MAF: variants seen among roughly 807,000 people sequenced by gnomAD.
MAF encodes MAF bZIP transcription factor.
Under a neutral mutation model 22.0 loss-of-function variants are expected in MAF, and 10 were observed. That is an observed-to-expected ratio of 0.45 (90% CI 0.28 to 0.77). MAF has a LOEUF of 0.77. Among genes scored for constraint, MAF ranks in the 30% least tolerant of loss-of-function variants. The pLI is 0.12. For missense variants in MAF, 544 were observed against 548.4 expected, an observed-to-expected ratio of 0.99 and a Z score of 0.08; for synonymous variants, 337 against 255.8, an observed-to-expected ratio of 1.32 and a Z score of -3.03.
chr16:79,589,634 G>A (rs1597836412), downstream of MAF, among the ~76,000 whole-genome samples: 3 of 152,210 alleles, frequency 2.0e-5, no homozygotes, highest in Non-Finnish European at 2.9e-5. Context: ...GGTGAAGGGC[G>A]GAGCCTTGCG....
At chr16:79,436,107 G>A in the MAF span, among the ~76,000 whole-genome samples, 4 of 152,328 alleles carry the variant, frequency 2.6e-5, no homozygotes, top group Non-Finnish European at 5.9e-5. Context: ...ATTTGAAACA[G>A]AGTCTAGCTC....
the MAF span, chr16:79,211,810 C>T: frequency 3.6e-4 from 579 of 1,613,896 alleles, 3 homozygotes; most frequent in Middle Eastern, 2.5e-3. Flanking sequence ...GAGCTCAGAG[C>T]GGATGGGCAC....
chr16:79,210,174 C>A, the MAF span, among the ~76,000 whole-genome samples: 1 of 152,322 alleles, frequency 6.6e-6, no homozygotes, highest in African/African-American at 2.4e-5. Context: ...CTGCATTTGA[C>A]CATTCAGTTT....
chr16:79,553,705 G>A, the MAF span, among the ~76,000 whole-genome samples: 28 of 152,300 alleles, frequency 1.8e-4, no homozygotes, highest in African/African-American at 6.5e-4. Context: ...TCTTGAAAGG[G>A]CGTCTAGCAT....
At chr16:79,461,448 G>T in the MAF span, among the ~76,000 whole-genome samples, 229 of 152,282 alleles carry the variant, frequency 1.5e-3, 2 homozygotes, top group South Asian at 4.6e-3. Context: ...CTCGGGCCAT[G>T]TCAGCTCAGC....
At chr16:79,530,216 A>G in the MAF span, among the ~76,000 whole-genome samples, 1 of 152,168 alleles carries the variant, frequency 6.6e-6, no homozygotes, top group Admixed American at 6.5e-5. Context: ...GCTTGAGAAC[A>G]CACCTGAAGA....
At chr16:79,317,404 A>C in the MAF span, among the ~76,000 whole-genome samples, 326 of 64,602 alleles carry the variant, frequency 5.0e-3, no homozygotes, top group Middle Eastern at 0.013. Context: ...CTTTCCTTCC[A>C]TCTCTCCCTC....
At chr16:79,327,798 T>C in the MAF span, among the ~76,000 whole-genome samples, 1 of 152,212 alleles carries the variant, frequency 6.6e-6, no homozygotes, top group Admixed American at 6.5e-5. Flanking sequence ...AAGCTGATCT[T>C]ATAAAGGAGG....
the MAF span, among the ~76,000 whole-genome samples, chr16:79,328,589 G>T: frequency 6.6e-6 from 1 of 152,168 alleles, no homozygotes; most frequent in East Asian, 1.9e-4. Context: ...AAAATCCCTC[G>T]AGCCGAGCTG....
the MAF span, among the ~76,000 whole-genome samples, chr16:79,337,523 G>A: frequency 2.0e-5 from 3 of 152,132 alleles, no homozygotes; most frequent in South Asian, 2.1e-4. Flanking sequence ...AGCCAAGATC[G>A]TGCCACTACA....
the MAF span, among the ~76,000 whole-genome samples, chr16:79,448,953 A>T: frequency 6.6e-6 from 1 of 152,184 alleles, no homozygotes; most frequent in African/African-American, 2.4e-5. Context: ...TGTTATGATT[A>T]CATTGTATAT....
chr16:79,362,484 G>A, the MAF span, among the ~76,000 whole-genome samples: 1 of 152,148 alleles, frequency 6.6e-6, no homozygotes, highest in Non-Finnish European at 1.5e-5. Context: ...AGCCCTCAGT[G>A]CATGAAAAGC....
the MAF span, among the ~76,000 whole-genome samples, chr16:79,221,238 A>G: frequency 6.6e-6 from 1 of 152,178 alleles, no homozygotes; most frequent in African/African-American, 2.4e-5. Context: ...CTAGATTTGA[A>G]GGACTTTATG....
At chr16:79,573,502 T>C in the MAF span, among the ~76,000 whole-genome samples, 2 of 152,220 alleles carry the variant, frequency 1.3e-5, no homozygotes, top group African/African-American at 2.4e-5. Flanking sequence ...CTGGAAAGCA[T>C]TGATCAAACA....
At chr16:79,299,539 C>A in the MAF span, among the ~76,000 whole-genome samples, 1 of 152,102 alleles carries the variant, frequency 6.6e-6, no homozygotes, top group Non-Finnish European at 1.5e-5. Context: ...ACTCAATTGA[C>A]GGTTACTTTT....
chr16:79,251,300 CTTTT>C, the MAF span, among the ~76,000 whole-genome samples: 3 of 143,314 alleles, frequency 2.1e-5, no homozygotes, highest in Non-Finnish European at 4.5e-5. Flanking sequence ...GTTATTATTT[CTTTT>C]TAAGTCTTTA....
chr16:79,272,696 ATTTG>A, the MAF span, among the ~76,000 whole-genome samples: 3 of 152,126 alleles, frequency 2.0e-5, no homozygotes, highest in African/African-American at 7.2e-5. Context: ...TCATTCATTC[ATTTG>A]TCCATTCATT....
the MAF span, among the ~76,000 whole-genome samples, chr16:79,379,617 A>T: frequency 6.6e-6 from 1 of 152,298 alleles, no homozygotes; most frequent in Non-Finnish European, 1.5e-5. Flanking sequence ...CTCTGGCTTT[A>T]GTTAAACTTT....
the MAF span, among the ~76,000 whole-genome samples, chr16:79,347,246 G>A: frequency 5.9e-5 from 9 of 152,336 alleles, no homozygotes; most frequent in Admixed American, 1.3e-4. Context: ...ACGTGTGGGC[G>A]TGCAGATGTG....
Sources: gnomAD v4.1 joint callset for allele counts (sites outside exome capture counted in the v4.1 genomes callset) on GRCh38, gnomAD v4.1.1 for gene constraint, MANE v1.5 for transcripts, NCBI Gene and HGNC (gene_info 2026-07-23, HGNC 2026-07-21) for gene names.